PRDM6: variants seen among roughly 807,000 people sequenced by gnomAD.
The protein encoded by PRDM6 is putative histone-lysine N-methyltransferase PRDM6.
A neutral mutation model predicts 60.8 loss-of-function variants in PRDM6; 25 were observed. The ratio of observed to expected loss-of-function variants is 0.41; its 90% CI spans 0.30 to 0.57. The LOEUF is 0.57. Among genes scored for constraint, PRDM6 ranks in the 20% least tolerant of loss-of-function variants. The pLI, the probability that PRDM6 is intolerant of heterozygous loss-of-function variation, is 0.27. For synonymous variants in PRDM6, 407 were observed against 357.4 expected (o/e 1.14, Z -1.57); for missense variants, 839 against 821.3 (o/e 1.02, Z -0.26).
intron 3 of PRDM6, among the ~76,000 whole-genome samples, chr5:123,152,971 A>G (rs995031367): frequency 1.3e-5 from 2 of 152,234 alleles, no homozygotes; most frequent in Admixed American, 6.5e-5. Context: ...TTAAACAGGT[A>G]AGAATTAGGT....
intron 7 of PRDM6, among the ~76,000 whole-genome samples, chr5:123,186,748 A>G (rs1766297148): frequency 6.6e-6 from 1 of 152,254 alleles, no homozygotes; most frequent in South Asian, 2.1e-4. Flanking sequence ...ACAGAGTAGA[A>G]AACTGCAGGC....
In PRDM6 at chr5:123,106,252, C is replaced by T. The variant is rs551238369; in HGVS notation, c.900+6291C>T. On this transcript the variant is annotated intron_variant, in intron 3 of 7. Coordinates refer to ENST00000407847, the MANE Select transcript of PRDM6 (RefSeq NM_001136239.4). ...ATGTGTGGCGGGCTTAGGGAAAGAG[C>T]ATAGTGTGCAGCCTGGGTTTCCAGG... is the stretch of plus-strand genomic sequence containing the variant. 3.3e-5 allele frequency among the ~76,000 whole-genome samples: 5 copies of T among 152,230 alleles called. No homozygotes were observed. The East Asian group carries it at 5.8e-4, about 18-fold the overall frequency.
chr5:123,180,031 C>T, intron 6 of PRDM6, 116 bp from the exon 7 acceptor site: 2 of 1,024,974 alleles, frequency 2.0e-6, no homozygotes, highest in Non-Finnish European at 1.4e-6. Flanking sequence ...GCTCTATGCC[C>T]TGTCTTAGAA....
chr5:123,160,936 C>G (rs571056935), intron 5 of PRDM6, among the ~76,000 whole-genome samples: 17 of 152,326 alleles, frequency 1.1e-4, no homozygotes, highest in African/African-American at 3.8e-4. Flanking sequence ...ATAGAAGCCA[C>G]TGTGCTCTGC....
chr5:123,137,462 G>A (rs1377404825), intron 3 of PRDM6, among the ~76,000 whole-genome samples: 3 of 152,210 alleles, frequency 2.0e-5, no homozygotes, highest in East Asian at 3.8e-4. Flanking sequence ...GCAGTGTCTT[G>A]CTTCTTAAGC....
intron 3 of PRDM6, among the ~76,000 whole-genome samples, chr5:123,118,435 T>A (rs555739557): frequency 6.6e-6 from 1 of 152,212 alleles, no homozygotes; most frequent in Non-Finnish European, 1.5e-5. Flanking sequence ...AACATAATCT[T>A]TAGGAGGAAA....
At chr5:123,094,515 C>T (rs893162973) in intron 2 of PRDM6, among the ~76,000 whole-genome samples, 1 of 151,936 alleles carries the variant, frequency 6.6e-6, no homozygotes, top group African/African-American at 2.4e-5. Context: ...TATTTTACAT[C>T]TTTCGTTATC....
rs573757192 is a variant in PRDM6 at position 123,175,608 on chromosome 5, C to A, written c.1496+4500C>A. ...TTTTCTCCTTACGTAGAACTGAGTT[C>A]TTTTCTCACTCCACCCAGCCAGCAG... On this transcript the variant is annotated intron_variant, in intron 6 of 7. Coordinates refer to ENST00000407847, the MANE Select transcript of PRDM6 (RefSeq NM_001136239.4). Among the ~76,000 whole-genome samples, 3 of 152,264 alleles carry A rather than the reference C, an allele frequency of 2.0e-5. No individual in the cohort carries two copies. The East Asian group carries it at 5.8e-4, about 29-fold the overall frequency.
At chr5:123,097,198 A>G (rs1455295736) in intron 2 of PRDM6, among the ~76,000 whole-genome samples, 2 of 152,232 alleles carry the variant, frequency 1.3e-5, no homozygotes, top group Non-Finnish European at 2.9e-5. Context: ...TTATCTATGT[A>G]TTTTCCTATC....
Position 123,180,340 on chromosome 5 carries a change from C to T in PRDM6, c.1673+17C>T. On this transcript the variant is annotated intron_variant, in intron 7 of 7. Coordinates refer to ENST00000407847, the MANE Select transcript of PRDM6 (RefSeq NM_001136239.4). The stretch of plus-strand genomic sequence containing the variant: ...GCCCTTCAAGTAAGTAGTGGCTAGC[C>T]CTCCACCCTCTCTTTCTCTTAGCCT... 3 of 1,538,816 alleles carry T rather than the reference C, an allele frequency of 1.9e-6. No homozygotes were observed. Among genetic ancestry groups the T allele is most frequent in the African/African-American group, 1.4e-5 (1 of 72,984 alleles).
At chr5:123,126,192 A>G (rs895557846) in intron 3 of PRDM6, among the ~76,000 whole-genome samples, 8 of 152,178 alleles carry the variant, frequency 5.3e-5, no homozygotes, top group South Asian at 2.1e-4. Flanking sequence ...CCACTTTTGT[A>G]CATGCATAAG....
At chr5:123,140,763 G>C (rs13359291) in intron 3 of PRDM6, among the ~76,000 whole-genome samples, 1 of 151,998 alleles carries the variant, frequency 6.6e-6, no homozygotes, top group Non-Finnish European at 1.5e-5. Context: ...TTTACATTCA[G>C]TCTTTCTTCT....
intron 3 of PRDM6, among the ~76,000 whole-genome samples, chr5:123,126,170 C>T (rs188821380): frequency 5.0e-4 from 76 of 152,266 alleles, no homozygotes; most frequent in African/African-American, 1.8e-3. Context: ...CTCACAAATT[C>T]ATTTCAGCTT....
Position 123,187,490 on chromosome 5 carries a change from C to T in PRDM6, c.*289C>T, listed in dbSNP as rs1323427912. ...TGTATTTTGCTTTGTTTCTAAAAAG[C>T]TTTTTAAAAACTGTTATTTAATACC... On this transcript the variant is annotated 3_prime_UTR_variant, in exon 8 of 8. Coordinates refer to ENST00000407847, the MANE Select transcript of PRDM6 (RefSeq NM_001136239.4). 2 of 260,640 alleles carry T rather than the reference C, an allele frequency of 7.7e-6. No individual in the cohort carries two copies. The highest frequency in any genetic ancestry group is 1.5e-5 in the Non-Finnish European group (2 of 132,040). 16.1% of individuals were successfully genotyped at this position (260,640 alleles called of 1,614,324 possible). A position where few individuals can be genotyped will look rare whatever the true frequency, so the allele number is the denominator to read the frequency against.
rs1376902883 is a variant in PRDM6, at chr5:123,188,396, C to A, written c.*1195C>A. ...ATTGAAAGAGAAGGAATTCTCCACA[C>A]AATTTCACTATTCTTTGAGTGCTGA... On this transcript the variant is annotated 3_prime_UTR_variant, in exon 8 of 8. Coordinates refer to ENST00000407847, the MANE Select transcript of PRDM6 (RefSeq NM_001136239.4). 6.6e-6 allele frequency: 1 copy of A among 152,208 alleles called. No homozygotes were observed. Among genetic ancestry groups the A allele is most frequent in the Non-Finnish European group, 1.5e-5 (1 of 68,036 alleles). The allele number at this position is 152,208 out of a possible 1,614,324, so 9.4% of individuals were successfully genotyped here. A position where few individuals can be genotyped will look rare whatever the true frequency, so the allele number is the denominator to read the frequency against.
chr5:123,097,946 C>A (rs964773040), intron 2 of PRDM6, among the ~76,000 whole-genome samples: 1 of 152,214 alleles, frequency 6.6e-6, no homozygotes, highest in African/African-American at 2.4e-5. Flanking sequence ...AGAGGAGTAG[C>A]TGCTGACTGA....
At chr5:123,127,507 A>C (rs1314347129) in intron 3 of PRDM6, among the ~76,000 whole-genome samples, 1 of 152,180 alleles carries the variant, frequency 6.6e-6, no homozygotes, top group Non-Finnish European at 1.5e-5. Context: ...TGGAGAATTG[A>C]CTACTTTTTT....
intron 3 of PRDM6, among the ~76,000 whole-genome samples, chr5:123,115,417 T>C (rs1026610936): frequency 6.6e-6 from 1 of 152,218 alleles, no homozygotes; most frequent in Non-Finnish European, 1.5e-5. Context: ...CTACTCATAG[T>C]GAGCCATGCT....
intron 6 of PRDM6, among the ~76,000 whole-genome samples, chr5:123,178,856 C>T (rs1011442962): frequency 1.3e-5 from 2 of 152,132 alleles, no homozygotes; most frequent in East Asian, 1.9e-4. Context: ...CATTGTCTCC[C>T]GGCCCTTCAT....
Sources: allele counts gnomAD v4.1 joint callset (sites outside exome capture counted in the v4.1 genomes callset), GRCh38; gene constraint gnomAD v4.1.1; transcripts MANE v1.5; gene names NCBI Gene and HGNC (gene_info 2026-07-23, HGNC 2026-07-21).